The following DCHS1 variants were observed in gnomAD, a reference collection of about 807,000 sequenced individuals.
DCHS1 encodes the protein protocadherin-16.
In DCHS1, 78 loss-of-function variants were observed where a neutral mutation model predicts 213.9. The observed-to-expected ratio is 0.36, with a 90% confidence interval of 0.30 to 0.44. The LOEUF is 0.44. DCHS1 is among the 20% of genes least tolerant of loss of function. The pLI, the probability that DCHS1 is intolerant of heterozygous loss-of-function variation, is 1.00. For missense variants in DCHS1, 3,946 were observed against 4,395.9 expected (o/e 0.90, Z 2.89); for synonymous variants, 1,828 against 1,873.7 (o/e 0.98, Z 0.63).
Position 6,628,891 on chromosome 11 carries a change from C to CACACAGTGTTCAT in DCHS1, c.5162-74_5162-62dup. On this transcript the variant is annotated intron_variant, in intron 12 of 20. Transcript: ENST00000299441. This position sits in a 1 kb window ranked among gnomAD's most constrained non-coding sequence, Gnocchi z 4.3. ...CCTCACCACATGGAGAAATCCACAC[C>CACACAGTGTTCAT]ACACAGTGTTCATACATGTTCACTA... 1 of 1,535,040 alleles carries CACACAGTGTTCAT rather than the reference C, an allele frequency of 6.5e-7. No individual in the cohort carries two copies. The highest frequency in any genetic ancestry group is 8.9e-7 in the Non-Finnish European group (1 of 1,126,568).
chr11:6,632,347 C>G lies in DCHS1; in HGVS notation c.3165G>C (p.Trp1055Cys), dbSNP rs1589957078. The change falls in exon 6 of 21, where the codon TGG becomes TGC. Residue 1055 changes from tryptophan to cysteine, a missense_variant. Physicochemically the swap from Trp to Cys is radical, Grantham distance 215. Coordinates refer to ENST00000299441, the MANE Select transcript of DCHS1 (RefSeq NM_003737.4). The surrounding 1 kb of genome is among the most constrained non-coding windows in gnomAD (Gnocchi z 5.9). ...FGLEPQSGWL[W>C]VRAALDREAQ... ...CCTCACGGTCTAGTGCTGCCCGCACCCATAGCCACCCACTCTGTGGCTCCA... is the reference window on the plus strand; with the variant it reads ...CCTCACGGTCTAGTGCTGCCCGCACGCATAGCCACCCACTCTGTGGCTCCA... 1 of 1,613,952 alleles carries G rather than the reference C, an allele frequency of 6.2e-7. No homozygotes were observed.
chr11:6,649,392 G>C (rs936224032), intron 1 of DCHS1, among the ~76,000 whole-genome samples: 4 of 151,836 alleles, frequency 2.6e-5, no homozygotes, highest in Non-Finnish European at 5.9e-5. Context: ...GGGTGGGTGA[G>C]AGGAGGAGGA....
At chr11:6,649,152 C>A (rs1856209076) in intron 1 of DCHS1, among the ~76,000 whole-genome samples, 1 of 151,282 alleles carries the variant, frequency 6.6e-6, no homozygotes, top group Non-Finnish European at 1.5e-5. Flanking sequence ...TGTTATTTCA[C>A]AGATGAGGAA....
At position 6,632,750 on chromosome 11, in the gene DCHS1, G is replaced by T; in HGVS notation, c.2762C>A (p.Pro921His). The T allele has an allele frequency of 6.2e-7, 1 of 1,612,206 alleles. No individual in the cohort carries two copies. The highest frequency in any genetic ancestry group is 1.1e-5 in the South Asian group (1 of 90,620). The change falls in exon 6 of 21, where the codon CCC (proline) becomes CAC (histidine). Residue 921 changes from proline (P) to histidine (H), a missense_variant. By Grantham distance (77) the Pro-to-His change is moderately conservative. Coordinates refer to ENST00000299441, the MANE Select transcript of DCHS1 (RefSeq NM_003737.4). This position sits in a 1 kb window ranked among gnomAD's most constrained non-coding sequence, Gnocchi z 5.9. ...TPIYTLRALD[P>H]DSGVNSRVTF... is the part of the protein sequence containing the mutation. The stretch of plus-strand genomic sequence containing the variant: ...GACTCGACTGTTAACACCTGAGTCG[G>T]GGTCAAGAGCCCGCAGTGTATAGAT...
chr11:6,640,623 C>A lies in DCHS1; in HGVS notation c.991G>T (p.Val331Leu), dbSNP rs763942920. 3.1e-6 allele frequency: 5 copies of A among 1,610,044 alleles called. No homozygotes were observed. In the Admixed American group the frequency reaches 5.0e-5, roughly 16 times the overall value. Residue 331 changes from valine to leucine, a missense_variant, in exon 2 of 21, where the codon GTG (valine) becomes TTG (leucine). Physicochemically the swap from Val to Leu is conservative, Grantham distance 32. Transcript: ENST00000299441. The surrounding 1 kb of genome is among the most constrained non-coding windows in gnomAD (Gnocchi z 6.5). ...GCCCCACCATCTCGTGCTTGCACCA[C>A]CAGTTCATGGACCCGCCGCTGCTCA... is the stretch of plus-strand genomic sequence containing the variant. ...DFEQRRVHEL[V>L]VQARDGGAHP... is the part of the protein sequence containing the mutation.
At chr11:6,637,956 T>C (rs957020758) in intron 2 of DCHS1, among the ~76,000 whole-genome samples, 6 of 152,162 alleles carry the variant, frequency 3.9e-5, no homozygotes, top group African/African-American at 1.4e-4. Flanking sequence ...TGGTCATTTT[T>C]ACCCCGATTC....
Position 6,628,605 on chromosome 11 carries a change from G to C in DCHS1, c.5371+16C>G. 1 of 1,613,584 alleles carries C rather than the reference G, an allele frequency of 6.2e-7. No individual in the cohort carries two copies. On this transcript the variant is annotated intron_variant, in intron 13 of 20. Coordinates refer to ENST00000299441, the MANE Select transcript of DCHS1 (RefSeq NM_003737.4). The surrounding 1 kb of genome is among the most constrained non-coding windows in gnomAD (Gnocchi z 4.3). Reference sequence around the variant, plus strand: ...CAAGTGGGTGCTGAATTAAGTGGGAGTGGGAAGGTTCTCACCTAGGATGCG... The same window carrying C: ...CAAGTGGGTGCTGAATTAAGTGGGACTGGGAAGGTTCTCACCTAGGATGCG...
At position 6,631,938 on chromosome 11, in the gene DCHS1, G is replaced by C. The variant is rs147991846; in HGVS notation, c.3481+93C>G. 17,531 of 1,450,238 alleles carry C rather than the reference G, an allele frequency of 0.012. 169 individuals carry two copies. Among genetic ancestry groups the C allele is most frequent in the South Asian group, 0.035 (2,365 of 67,752 alleles). The allele number at this position is 1,450,238 out of a possible 1,614,324, so 89.8% of individuals were successfully genotyped here. A position where few individuals can be genotyped will look rare whatever the true frequency, so the allele number is the denominator to read the frequency against. On this transcript the variant is annotated intron_variant, in intron 6 of 20. Transcript: ENST00000299441. ...GGGCTAAATCCTCATTCTCAGGGGC[G>C]AGATGGGAGCTGGGGGTTGGGGATC... is the stretch of plus-strand genomic sequence containing the variant.
rs759469285 is a variant in DCHS1 at position 6,625,666 on chromosome 11, C to A, written c.6793G>T (p.Val2265Leu). The A allele has an allele frequency of 2.5e-6, 4 of 1,613,342 alleles. No individual in the cohort carries two copies. The highest frequency in any genetic ancestry group is 1.1e-5 in the South Asian group (1 of 91,048). ...PALVGSATLT[V>L]MVIDTNDNRP... Reference sequence around the variant, plus strand: ...TTGTCATTGGTGTCGATGACCATCACCGTCAAGGTAGCTGAGCCCACCAGG... The same window carrying A: ...TTGTCATTGGTGTCGATGACCATCAACGTCAAGGTAGCTGAGCCCACCAGG... The change falls in exon 18 of 21, where the codon GTG becomes TTG. Residue 2265 changes from valine (V) to leucine (L), a missense_variant. Physicochemically the swap from Val to Leu is conservative, Grantham distance 32 (BLOSUM62 1). This residue lies in a region of DCHS1 where 3,384 missense variants were observed against 3,780.1 expected (regional missense o/e 0.90). Transcript: ENST00000299441. This position sits in a 1 kb window ranked among gnomAD's most constrained non-coding sequence, Gnocchi z 5.3.
intron 2 of DCHS1, among the ~76,000 whole-genome samples, chr11:6,637,779 T>G (rs1198325479): frequency 6.6e-6 from 1 of 152,096 alleles, no homozygotes; most frequent in African/African-American, 2.4e-5. Flanking sequence ...AACTATTTCT[T>G]TGCACATGAA....
At position 6,625,982 on chromosome 11, in the gene DCHS1, G is replaced by T. The variant is rs1277486635; in HGVS notation, c.6669C>A (p.Asp2223Glu). 2 of 1,613,534 alleles carry T rather than the reference G, an allele frequency of 1.2e-6. No homozygotes were observed. The highest frequency in any genetic ancestry group is 1.1e-5 in the South Asian group (1 of 90,924). ...SQPARGLFHV[D>E]PTTGTITTTA... ...TGGTAGTGATAGTGCCTGTGGTTGG[G>T]TCTACGTGGAACAATCCACGTGCCG... Residue 2223 changes from aspartate to glutamate, a missense_variant, in exon 17 of 21, where the codon GAC becomes GAA. This residue lies in a region of DCHS1 where 3,384 missense variants were observed against 3,780.1 expected (regional missense o/e 0.90). Coordinates refer to ENST00000299441, the MANE Select transcript of DCHS1 (RefSeq NM_003737.4). The surrounding 1 kb of genome is among the most constrained non-coding windows in gnomAD (Gnocchi z 5.3).
chr11:6,648,570 T>G (rs1856200521), intron 1 of DCHS1, among the ~76,000 whole-genome samples: 1 of 152,190 alleles, frequency 6.6e-6, no homozygotes, highest in Non-Finnish European at 1.5e-5. Flanking sequence ...GACATCAGCA[T>G]GGATTCATTC....
rs751240647 is a variant in DCHS1, at chr11:6,624,881, G to A, written c.7147-13C>T. The A allele has an allele frequency of 2.2e-5, 36 of 1,613,440 alleles. No homozygotes were observed. In the South Asian group the frequency reaches 3.8e-4, roughly 17 times the overall value. ...CAAGCAGCATTACCTGAAGTGTGAG[G>A]AAAAGTGCTTATTGCCAGGCTTCCC... On this transcript the variant is annotated splice_polypyrimidine_tract_variant and intron_variant, in intron 19 of 20. Transcript: ENST00000299441.
chr11:6,630,518 C>G lies in DCHS1; in HGVS notation c.4276G>C (p.Val1426Leu). The change falls in exon 10 of 21, where the codon GTG becomes CTG. Residue 1426 changes from valine to leucine, a missense_variant. Val to Leu is a conservative substitution (Grantham distance 32). Transcript: ENST00000299441. ...GGCGCATGCTCATTCTCGTCCTGCA[C>G]TTGCACCTGCACTCGCAGCAGCCGC... is the stretch of plus-strand genomic sequence containing the variant. ...GARLLRVQVQ[V>L]QDENEHAPAF... 1.3e-6 allele frequency: 2 copies of G among 1,538,972 alleles called. No individual in the cohort carries two copies. Among genetic ancestry groups the G allele is most frequent in the South Asian group, 2.4e-5 (2 of 84,818 alleles).
Position 6,630,541 on chromosome 11 carries a change from C to A in DCHS1, c.4253G>T (p.Arg1418Leu), listed in dbSNP as rs777709251. The A allele has an allele frequency of 1.9e-5, 29 of 1,531,076 alleles. No individual in the cohort carries two copies. The highest frequency in any genetic ancestry group is 2.5e-5 in the East Asian group (1 of 40,266). The allele number at this position is 1,531,076 out of a possible 1,614,324, so 94.8% of individuals were successfully genotyped here. Residue 1418 changes from arginine (R) to leucine (L), a missense_variant, in exon 10 of 21, where the codon CGG (arginine) becomes CTG (leucine). Arg to Leu is a moderately radical substitution (Grantham distance 102, BLOSUM62 -2). Around this residue, in one of 3 missense-constraint regions of DCHS1, gnomAD observed 3,384 missense variants for 3,780.1 expected, o/e 0.90. Transcript: ENST00000299441. ...CACTTGCACCTGCACTCGCAGCAGC[C>A]GCGCGCCCGCGCCTCCCGGCCCCTC... ...RAEGPGGAGA[R>L]LLRVQVQVQD... is the part of the protein sequence containing the mutation.
intron 1 of DCHS1, among the ~76,000 whole-genome samples, chr11:6,645,310 ACAAGG>A: frequency 3.9e-5 from 6 of 152,208 alleles, no homozygotes; most frequent in Non-Finnish European, 5.9e-5. Flanking sequence ...GGATGAGAGT[ACAAGG>A]ATGGTTCCAG....
rs1273831738 is a variant in DCHS1 at position 6,633,874 on chromosome 11, G to A, written c.2133C>T (p.Asp711=). ...GTAVLRLRAH[D]PDQGSHGRLS... ...GTCGCCCATGGGATCCCTGGTCAGG[G>A]TCATGGGCACGCAACCTCAGCACAG... The change falls in exon 4 of 21, where the codon GAC becomes GAT. Residue 711 remains aspartate (D), a synonymous_variant. Transcript: ENST00000299441. 4 of 1,614,022 alleles carry A rather than the reference G, an allele frequency of 2.5e-6. No individual in the cohort carries two copies. The East Asian group carries it at 8.9e-5, about 36-fold the overall frequency.
rs1159177531 is a variant in DCHS1, at chr11:6,630,780, C to A, written c.4014G>T (p.Thr1338=). The change falls in exon 10 of 21, where the codon ACG becomes ACT. Residue 1338 remains threonine, a synonymous_variant. Coordinates refer to ENST00000299441, the MANE Select transcript of DCHS1 (RefSeq NM_003737.4). ...DPAAPVPVVL[T]VTAAEGLRPG... ...GCCGCAGTCCCTCAGCTGCTGTCAC[C>A]GTCAGCACGACAGGCACTGGTGCCG... is the stretch of plus-strand genomic sequence containing the variant. 3 of 1,547,560 alleles carry A rather than the reference C, an allele frequency of 1.9e-6. No individual in the cohort carries two copies. The highest frequency in any genetic ancestry group is 2.6e-6 in the Non-Finnish European group (3 of 1,147,160).
rs981846607 is a variant in DCHS1, at chr11:6,627,262, G to T, written c.5777C>A (p.Thr1926Asn). Residue 1926 changes from threonine to asparagine, a missense_variant, in exon 14 of 21, where the codon ACC (threonine) becomes AAC (asparagine). Physicochemically the swap from Thr to Asn is moderately conservative, Grantham distance 65 (BLOSUM62 0). Around this residue, in one of 3 missense-constraint regions of DCHS1, gnomAD observed 3,384 missense variants for 3,780.1 expected, o/e 0.90. Transcript: ENST00000299441. The surrounding 1 kb of genome is among the most constrained non-coding windows in gnomAD (Gnocchi z 5.4). Reference protein sequence around the residue: ...ALDREQCPSYTFSVSAVDGAA... With the variant: ...ALDREQCPSYNFSVSAVDGAA... ...ACCATCCACTGCACTCACAGAAAAG[G>T]TGTAGCTGGGACACTGTTCTCTGTC... The T allele has an allele frequency of 1.9e-6, 3 of 1,613,332 alleles. No individual in the cohort carries two copies. Among genetic ancestry groups the T allele is most frequent in the Admixed American group, 3.3e-5 (2 of 59,984 alleles).
Sources: gnomAD v4.1 joint callset for allele counts (sites outside exome capture counted in the v4.1 genomes callset) on GRCh38, gnomAD v4.1.1 for gene constraint, gnomAD v4.1.1 regional missense constraint, Gnocchi (gnomAD v3.1) non-coding constraint, MANE v1.5 for transcripts, NCBI Gene and HGNC (gene_info 2026-07-23, HGNC 2026-07-21) for gene names.